The following ECM2 variants were observed in gnomAD, a reference collection of about 807,000 sequenced individuals.
The protein encoded by ECM2 is extracellular matrix protein 2, female organ and adipocyte specific.
ECM2 carries 57 observed loss-of-function variants against 67.5 expected under a neutral mutation model. That is an observed-to-expected ratio of 0.84 (90% CI 0.68 to 1.05). The LOEUF (loss-of-function observed/expected upper bound fraction) is 1.05. Among genes scored for constraint, ECM2 ranks in the 50% least tolerant of loss-of-function variants. The pLI is 0.00. For missense variants in ECM2, 741 were observed against 822.8 expected (o/e 0.90, Z 1.22); for synonymous variants, 258 against 294.5 (o/e 0.88, Z 1.27).
chr9:92,517,365 GC>G, intron 3 of ECM2: 1 of 509,380 alleles, frequency 2.0e-6, no homozygotes, highest in East Asian at 3.4e-5. Context: ...CCAAAGCAGA[GC>G]CCTTAATGCA....
chr9:92,512,149 T>G, intron 4 of ECM2, 23 bp from the exon 5 acceptor site: 1 of 1,561,208 alleles, frequency 6.4e-7, no homozygotes. Flanking sequence ...GCGGTTATGT[T>G]TTAGGCATGT....
chr9:92,549,418 G>A, the ECM2 span, among the ~76,000 whole-genome samples: 1 of 152,098 alleles, frequency 6.6e-6, no homozygotes, highest in African/African-American at 2.4e-5. Context: ...AGGCCGAGAC[G>A]GGTGGATCAC....
At chr9:92,537,737 A>C (rs547033476), upstream of ECM2, among the ~76,000 whole-genome samples, 4 of 152,228 alleles carry the variant, frequency 2.6e-5, no homozygotes, top group Non-Finnish European at 5.9e-5. Flanking sequence ...ATAGAAGAGG[A>C]AATGTCAGTG....
chr9:92,509,267 C>G (rs1012286083), intron 6 of ECM2, among the ~76,000 whole-genome samples: 8 of 152,052 alleles, frequency 5.3e-5, no homozygotes, highest in African/African-American at 1.9e-4. Context: ...CAGCCCAAGC[C>G]CTCTCAGGCA....
chr9:92,547,502 A>T, the ECM2 span, among the ~76,000 whole-genome samples: 1 of 152,270 alleles, frequency 6.6e-6, no homozygotes, highest in Non-Finnish European at 1.5e-5. Context: ...ACACATGCTG[A>T]AAGTGTCACC....
chr9:92,548,308 A>G, the ECM2 span, among the ~76,000 whole-genome samples: 1 of 152,224 alleles, frequency 6.6e-6, no homozygotes, highest in Non-Finnish European at 1.5e-5. Context: ...ATCAGACAGT[A>G]AATTAATGTG....
chr9:92,511,598 G>C (rs1257725860), intron 5 of ECM2, among the ~76,000 whole-genome samples: 1 of 151,890 alleles, frequency 6.6e-6, no homozygotes, highest in African/African-American at 2.4e-5. Context: ...CCTCCATCAG[G>C]TTTTGTTGAT....
At chr9:92,556,207 T>G in the ECM2 span, among the ~76,000 whole-genome samples, 1 of 152,224 alleles carries the variant, frequency 6.6e-6, no homozygotes, top group Non-Finnish European at 1.5e-5. Flanking sequence ...TGAAGTTTCC[T>G]TTTGGAATTG....
At chr9:92,525,096 T>G (rs1288718846) in intron 1 of ECM2, among the ~76,000 whole-genome samples, 1 of 152,032 alleles carries the variant, frequency 6.6e-6, no homozygotes, top group African/African-American at 2.4e-5. Flanking sequence ...GGTGGGAGGA[T>G]TGCTTGAGGC....
chr9:92,502,585 A>G lies in ECM2; in HGVS notation c.1532T>C (p.Ile511Thr). The G allele has an allele frequency of 6.2e-7, 1 of 1,611,272 alleles. No homozygotes were observed. The highest frequency in any genetic ancestry group is 1.1e-5 in the South Asian group (1 of 90,784). ...GTTATAACGTAGTACAATGACATTG[A>G]TCTTTCTGGTATGATTGAAACAAAT... ...TEICFNHTRK[I>T]NVIVLRYNKI... The change falls in exon 8 of 10, where the codon ATC becomes ACC. Residue 511 changes from isoleucine (I) to threonine (T), a missense_variant. Physicochemically the swap from Ile to Thr is moderately conservative, Grantham distance 89 (BLOSUM62 -1). Transcript: ENST00000344604.
chr9:92,530,451 A>C (rs1848676874), intron 1 of ECM2, among the ~76,000 whole-genome samples: 1 of 152,246 alleles, frequency 6.6e-6, no homozygotes, highest in Non-Finnish European at 1.5e-5. Context: ...TATGCCAATA[A>C]AAAGTAATTA....
At chr9:92,512,153 G>T in intron 4 of ECM2, 27 bp from the exon 5 acceptor site, 1 of 1,539,494 alleles carries the variant, frequency 6.5e-7, no homozygotes, top group Non-Finnish European at 9.0e-7. Context: ...TTATGTTTTA[G>T]GCATGTGTGC....
the ECM2 span, among the ~76,000 whole-genome samples, chr9:92,543,416 GAGC>G: frequency 3.0e-5 from 4 of 135,076 alleles, no homozygotes; most frequent in African/African-American, 8.4e-5. Flanking sequence ...AGGTTGCAGT[GAGC>G]AGAAATCTCA....
chr9:92,539,691 G>C (rs1195510222), upstream of ECM2, among the ~76,000 whole-genome samples: 14 of 152,144 alleles, frequency 9.2e-5, no homozygotes, highest in East Asian at 2.7e-3. Flanking sequence ...CTTTGTTCTA[G>C]GACTGACCTC....
At chr9:92,532,289 T>C (rs973590724) in intron 1 of ECM2, among the ~76,000 whole-genome samples, 6 of 152,106 alleles carry the variant, frequency 3.9e-5, no homozygotes, top group African/African-American at 1.4e-4. Flanking sequence ...TCATTGTCTT[T>C]GGTTTTCAGC....
the ECM2 span, among the ~76,000 whole-genome samples, chr9:92,543,511 G>C: frequency 7.1e-6 from 1 of 141,694 alleles, no homozygotes; most frequent in Non-Finnish European, 1.5e-5. Context: ...GATTGCATTA[G>C]CTATTCAGGG....
chr9:92,514,274 C>CTTTTTTT (rs1044226766), intron 4 of ECM2, among the ~76,000 whole-genome samples: 1 of 130,746 alleles, frequency 7.6e-6, no homozygotes. Context: ...GAGTCATTTA[C>CTTTTTTT]TTTTTTTTTT....
In ECM2 at chr9:92,532,015, G is replaced by GTTTTTTTTTTTGTTTTTTTTTTT. The variant is rs1848801440; in HGVS notation, c.-28+3917_-28+3918insAAAAAAAAAAACAAAAAAAAAAA. On this transcript the variant is annotated intron_variant, in intron 1 of 9. Coordinates refer to ENST00000344604, the MANE Select transcript of ECM2 (RefSeq NM_001393.4). ...TTTTCTTTTTCTTTTTTTATTTAAT[G>GTTTTTTTTTTTGTTTTTTTTTTT]TTTTTTTTTTTTTATTTTATTTTTT... Among the ~76,000 whole-genome samples the GTTTTTTTTTTTGTTTTTTTTTTT allele has an allele frequency of 6.3e-5, 6 of 95,736 alleles. 1 individual carries two copies. The highest frequency in any genetic ancestry group is 3.0e-4 in the African/African-American group (5 of 16,844). The allele number at this position is 95,736 out of a possible 152,430, so 62.8% of individuals were successfully genotyped here.
upstream of ECM2, chr9:92,538,986 T>G (rs1189326898): frequency 6.6e-6 from 1 of 152,200 alleles, no homozygotes; most frequent in Non-Finnish European, 1.5e-5. Flanking sequence ...GACAGCTTTG[T>G]AGATATTAAT....
Sources: allele counts gnomAD v4.1 joint callset (sites outside exome capture counted in the v4.1 genomes callset), GRCh38; gene constraint gnomAD v4.1.1; transcripts MANE v1.5; gene names NCBI Gene and HGNC (gene_info 2026-07-23, HGNC 2026-07-21).